The following GAS7 variants were observed in gnomAD, a reference collection of about 807,000 sequenced individuals.
GAS7 encodes the protein growth arrest specific 7, also known as growth arrest-specific protein 7.
GAS7 carries 28 observed loss-of-function variants against 71.1 expected under a neutral mutation model. The observed-to-expected ratio is 0.39, with a 90% CI of 0.29 to 0.54. The LOEUF (loss-of-function observed/expected upper bound fraction) is 0.54. GAS7 is among the 20% of genes least tolerant of loss of function. The pLI, the probability that GAS7 is intolerant of heterozygous loss-of-function variation, is 0.62. For synonymous variants in GAS7, 258 were observed against 245.8 expected, an observed-to-expected ratio of 1.05 and a Z score of -0.46; for missense variants, 436 against 627.8, an observed-to-expected ratio of 0.69 and a Z score of 3.27.
At chr17:10,105,022 C>G (rs958440820) in intron 1 of GAS7, among the ~76,000 whole-genome samples, 1 of 152,232 alleles carries the variant, frequency 6.6e-6, no homozygotes, top group Non-Finnish European at 1.5e-5. Flanking sequence ...CTGCCTCTGA[C>G]TACCTCACCT....
chr17:10,008,795 A>G (rs1374047770), intron 2 of GAS7, among the ~76,000 whole-genome samples: 1 of 152,052 alleles, frequency 6.6e-6, no homozygotes, highest in Non-Finnish European at 1.5e-5. Context: ...TCACACACAC[A>G]CGCACACACG....
At chr17:10,003,852 A>G (rs62065808) in intron 2 of GAS7, among the ~76,000 whole-genome samples, 36,073 of 152,016 alleles carry the variant, frequency 0.24, 6,569 homozygotes, top group African/African-American at 0.51. Flanking sequence ...TTCTCACCCC[A>G]TTTTCCTCCT....
chr17:9,939,057 T>C (rs2068501984), intron 8 of GAS7, among the ~76,000 whole-genome samples: 1 of 152,206 alleles, frequency 6.6e-6, no homozygotes. Context: ...GGAATGTGGG[T>C]TGTTTCCACC....
intron 6 of GAS7, among the ~76,000 whole-genome samples, chr17:9,945,967 C>CA (rs1405059711): frequency 2.0e-5 from 3 of 151,994 alleles, no homozygotes; most frequent in African/African-American, 7.3e-5. Context: ...CTGGGTGAGA[C>CA]AGAGTGAGAC....
chr17:10,073,469 G>A (rs1369707271), intron 1 of GAS7, among the ~76,000 whole-genome samples: 1 of 152,130 alleles, frequency 6.6e-6, no homozygotes, highest in Non-Finnish European at 1.5e-5. Flanking sequence ...CACCTGGGGA[G>A]AGCAGGTGAC....
chr17:10,197,978 C>T (rs1237771512), intron 1 of GAS7, among the ~76,000 whole-genome samples: 1 of 152,200 alleles, frequency 6.6e-6, no homozygotes, highest in East Asian at 1.9e-4. Flanking sequence ...TCCGGAGGCC[C>T]GGCGCAAGGT....
intron 1 of GAS7, among the ~76,000 whole-genome samples, chr17:10,195,074 A>T (rs1345943946): frequency 6.6e-6 from 1 of 152,052 alleles, no homozygotes; most frequent in African/African-American, 2.4e-5. Flanking sequence ...TTGTGGCCAG[A>T]GTCCTTGGGC....
intron 1 of GAS7, among the ~76,000 whole-genome samples, chr17:10,078,566 T>C (rs1230907540): frequency 6.6e-6 from 1 of 152,168 alleles, no homozygotes; most frequent in Non-Finnish European, 1.5e-5. Flanking sequence ...GGCATAATAA[T>C]ATAAACACCA....
intron 1 of GAS7, among the ~76,000 whole-genome samples, chr17:10,136,445 T>C (rs1445305905): frequency 1.3e-5 from 2 of 152,148 alleles, no homozygotes; most frequent in African/African-American, 2.4e-5. Context: ...CAAGCCAGAT[T>C]TTCCAGACTG....
At chr17:9,930,337 CT>C (rs1450644514) in intron 9 of GAS7, among the ~76,000 whole-genome samples, 3 of 152,196 alleles carry the variant, frequency 2.0e-5, no homozygotes, top group Non-Finnish European at 4.4e-5. Flanking sequence ...GGTCTGAATT[CT>C]TCATTTCATA....
intron 5 of GAS7, among the ~76,000 whole-genome samples, chr17:9,948,176 C>T (rs957917822): frequency 3.3e-5 from 5 of 152,226 alleles, no homozygotes; most frequent in Non-Finnish European, 7.3e-5. Context: ...CAATTTTGGA[C>T]TATGGGTGAG....
intron 1 of GAS7, among the ~76,000 whole-genome samples, chr17:10,097,677 G>A (rs552320850): frequency 6.6e-6 from 1 of 152,104 alleles, no homozygotes; most frequent in African/African-American, 2.4e-5. Context: ...CCGCAGGCAG[G>A]TATGGCAGGC....
intron 3 of GAS7, among the ~76,000 whole-genome samples, chr17:9,973,368 C>T (rs2070050342): frequency 2.0e-5 from 3 of 152,088 alleles, no homozygotes; most frequent in African/African-American, 7.2e-5. Flanking sequence ...ATTCTCCTGC[C>T]TCAGCCTCCC....
Position 10,127,065 on chromosome 17 carries a change from TG to T in GAS7, c.183+71142del, listed in dbSNP as rs1297724352. Among the ~76,000 whole-genome samples the T allele has an allele frequency of 3.0e-4, 45 of 152,152 alleles. 1 individual carries two copies. Among genetic ancestry groups the T allele is most frequent in the African/African-American group, 8.2e-4 (34 of 41,432 alleles). On this transcript the variant is annotated intron_variant, in intron 1 of 13. Coordinates refer to ENST00000432992, the MANE Select transcript of GAS7 (RefSeq NM_201433.2). ...AGCACCTTACATTGTTTGTTGTTGT[TG>T]TTAGTTTAAATCAATTGGCAACATT...
chr17:9,970,288 G>C (rs2069906864), intron 3 of GAS7, among the ~76,000 whole-genome samples: 1 of 152,112 alleles, frequency 6.6e-6, no homozygotes. Flanking sequence ...TAATAGTCAG[G>C]TGATCATATG....
chr17:9,934,775 G>A (rs539448640), intron 8 of GAS7, among the ~76,000 whole-genome samples: 161 of 152,278 alleles, frequency 1.1e-3, no homozygotes, highest in Non-Finnish European at 1.6e-3. Context: ...TTGCTCTGTC[G>A]CCTAGGCTGG....
intron 1 of GAS7, chr17:10,036,627 CT>C: frequency 1.4e-6 from 2 of 1,444,012 alleles, no homozygotes; most frequent in Non-Finnish European, 1.8e-6. Context: ...GTTCCTGTGG[CT>C]TTGCTCATTG....
At chr17:9,979,870 A>AC (rs1337055411) in intron 3 of GAS7, among the ~76,000 whole-genome samples, 1 of 151,640 alleles carries the variant, frequency 6.6e-6, no homozygotes, top group Non-Finnish European at 1.5e-5. Context: ...TTTAAAAAAA[A>AC]AAAAAAACAC....
intron 1 of GAS7, among the ~76,000 whole-genome samples, chr17:10,033,343 G>A (rs2072669074): frequency 1.3e-5 from 2 of 152,066 alleles, no homozygotes; most frequent in Non-Finnish European, 2.9e-5. Context: ...GAGAGAGAGA[G>A]ACAGAGAGAC....
Sources: allele counts gnomAD v4.1 joint callset (sites outside exome capture counted in the v4.1 genomes callset), GRCh38; gene constraint gnomAD v4.1.1; transcripts MANE v1.5; gene names NCBI Gene and HGNC (gene_info 2026-07-23, HGNC 2026-07-21).